SAG: variants seen among roughly 807,000 people sequenced by gnomAD.
SAG encodes S-antigen visual arrestin.
A neutral mutation model predicts 55.0 loss-of-function variants in SAG; 45 were observed. That is an observed-to-expected ratio of 0.82 (90% CI 0.64 to 1.05). SAG has a LOEUF of 1.05. Among genes scored for constraint, SAG ranks in the 50% least tolerant of loss-of-function variants. SAG has a pLI of 0.00. For synonymous variants in SAG, 189 were observed against 197.4 expected (o/e 0.96, Z 0.36); for missense variants, 455 against 512.1 (o/e 0.89, Z 1.08).
intron 2 of SAG, among the ~76,000 whole-genome samples, chr2:233,311,402 A>G (rs1700072052): frequency 6.6e-6 from 1 of 152,150 alleles, no homozygotes; most frequent in Non-Finnish European, 1.5e-5. Context: ...CTCTTCTCTC[A>G]TATCTCATTG....
intron 11 of SAG, among the ~76,000 whole-genome samples, chr2:233,336,167 T>C (rs1031393216): frequency 6.6e-6 from 1 of 152,188 alleles, no homozygotes; most frequent in Non-Finnish European, 1.5e-5. Context: ...AGATGAACAA[T>C]GATGGCTCAC....
rs1700866189 is a variant in SAG at position 233,334,642 on chromosome 2, A to G, written c.807-320A>G. 7 of 247,214 alleles carry G rather than the reference A, an allele frequency of 2.8e-5. No individual in the cohort carries two copies. The South Asian group carries it at 4.8e-4, about 17-fold the overall frequency. The allele number at this position is 247,214 out of a possible 1,614,324, so 15.3% of individuals were successfully genotyped here. On this transcript the variant is annotated intron_variant, in intron 10 of 15. Transcript: ENST00000409110. ...TTCTGCAGGCCACCGTGTGGTTCAC[A>G]AAGTCTCAGGAGGAGGCTGTGGTCT...
At chr2:233,328,656 A>G (rs1252555099) in intron 8 of SAG, 43 bp downstream of exon 8, 2 of 1,569,964 alleles carry the variant, frequency 1.3e-6, no homozygotes, top group African/African-American at 2.7e-5. Context: ...CAGCAGGCCT[A>G]GGGGCAGGCC....
chr2:233,341,087 T>C (rs1701086489), intron 13 of SAG, among the ~76,000 whole-genome samples: 1 of 152,206 alleles, frequency 6.6e-6, no homozygotes, highest in Non-Finnish European at 1.5e-5. Context: ...GTGCTGGGAT[T>C]ATAGATATGA....
rs575275011 is a variant in SAG at position 233,339,676 on chromosome 2, T to C, written c.1023-779T>C. Among the ~76,000 whole-genome samples, 43 of 137,264 alleles carry C rather than the reference T, an allele frequency of 3.1e-4. No individual in the cohort carries two copies. In the South Asian group the frequency reaches 9.2e-3, roughly 29 times the overall value. 90.1% of individuals were successfully genotyped at this position (137,264 alleles called of 152,430 possible). ...TGTGACTTATCTTGAATGTTAGGGC[T>C]TGACTTTTTTTTTTTGAGATGTAAT... On this transcript the variant is annotated intron_variant, in intron 12 of 15. Coordinates refer to ENST00000409110, the MANE Select transcript of SAG (RefSeq NM_000541.5).
rs1233017416 is a variant in SAG, at chr2:233,323,119, C to T, written c.435+114C>T. ...TGTCACCAATGCTGGGGTGCAGTGG[C>T]GTGATCTTGGCTCACTGCAACCTGT... is the stretch of plus-strand genomic sequence containing the variant. On this transcript the variant is annotated intron_variant, in intron 6 of 15. Coordinates refer to ENST00000409110, the MANE Select transcript of SAG (RefSeq NM_000541.5). The T allele has an allele frequency of 3.2e-5, 23 of 719,344 alleles. 1 individual carries two copies. Among genetic ancestry groups the T allele is most frequent in the South Asian group, 1.8e-4 (11 of 60,354 alleles). The allele number at this position is 719,344 out of a possible 1,614,324, so 44.6% of individuals were successfully genotyped here.
chr2:233,336,615 T>C (rs1046932409), intron 11 of SAG, among the ~76,000 whole-genome samples: 2 of 151,788 alleles, frequency 1.3e-5, no homozygotes, highest in Non-Finnish European at 1.5e-5. Flanking sequence ...GGTAAGGAAA[T>C]TGAGGTTGAG....
At chr2:233,331,480 C>A in intron 9 of SAG, 160 bp from the exon 10 acceptor site, 1 of 688,670 alleles carries the variant, frequency 1.5e-6, no homozygotes. Flanking sequence ...GACTTCAAAA[C>A]CCCAGCCTTG....
At chr2:233,312,944 A>G (rs1700117445) in intron 2 of SAG, among the ~76,000 whole-genome samples, 1 of 152,150 alleles carries the variant, frequency 6.6e-6, no homozygotes, top group African/African-American at 2.4e-5. Flanking sequence ...AAGAGCAGGG[A>G]CCTTGGGGAC....
intron 6 of SAG, among the ~76,000 whole-genome samples, chr2:233,326,558 C>T (rs2125334357): frequency 6.6e-6 from 1 of 151,492 alleles, no homozygotes; most frequent in African/African-American, 2.4e-5. Context: ...TGCACTCCAG[C>T]CTGGGCAACA....
At chr2:233,329,773 T>TA (rs934339373) in intron 9 of SAG, among the ~76,000 whole-genome samples, 196 bp downstream of exon 9, 1 of 152,228 alleles carries the variant, frequency 6.6e-6, no homozygotes, top group East Asian at 1.9e-4. Flanking sequence ...CCTGCCCACT[T>TA]ACGGCTGGTT....
chr2:233,326,613 C>G (rs894674348), intron 6 of SAG, among the ~76,000 whole-genome samples: 1 of 151,760 alleles, frequency 6.6e-6, no homozygotes, highest in Non-Finnish European at 1.5e-5. Context: ...AATCGTGCTG[C>G]CCGCACTGGG....
Position 233,320,731 on chromosome 2 carries a change from T to A in SAG, c.283T>A (p.Tyr95Asn). The A allele has an allele frequency of 6.2e-7, 1 of 1,606,024 alleles. No homozygotes were observed. The highest frequency in any genetic ancestry group is 8.5e-7 in the Non-Finnish European group (1 of 1,176,486). ...CCTGTACTTCTCCCGGGTCCAGGTG[T>A]ATCCTCCTGTGGGGGCCGCGAGCAC... ...RDLYFSRVQVYPPVGAASTPT... is the reference protein window; with the variant it reads ...RDLYFSRVQVNPPVGAASTPT... Residue 95 changes from tyrosine (Y) to asparagine (N), a missense_variant, in exon 5 of 16, where the codon TAT becomes AAT. Transcript: ENST00000409110.
intron 12 of SAG, among the ~76,000 whole-genome samples, chr2:233,339,168 C>T (rs1469488005): frequency 6.6e-6 from 1 of 152,186 alleles, no homozygotes; most frequent in Non-Finnish European, 1.5e-5. Context: ...TTTCCCCTCC[C>T]CTCTCACACA....
rs966895401 is a variant in SAG, at chr2:233,309,137, T to C, written c.-28-25T>C. The C allele has an allele frequency of 3.5e-6, 5 of 1,444,202 alleles. No homozygotes were observed. In the African/African-American group the frequency reaches 7.0e-5, roughly 20 times the overall value. The allele number at this position is 1,444,202 out of a possible 1,614,324, so 89.5% of individuals were successfully genotyped here. A position where few individuals can be genotyped will look rare whatever the true frequency, so the allele number is the denominator to read the frequency against. On this transcript the variant is annotated intron_variant, in intron 1 of 15. Coordinates refer to ENST00000409110, the MANE Select transcript of SAG (RefSeq NM_000541.5). ...GGATTGTCTTACCTTTCTCCAACCC[T>C]CTAACACCTGACCAACACCCCAAGG...
At chr2:233,313,055 A>C (rs1158992734) in intron 2 of SAG, among the ~76,000 whole-genome samples, 1 of 152,168 alleles carries the variant, frequency 6.6e-6, no homozygotes, top group Non-Finnish European at 1.5e-5. Flanking sequence ...TGCCTAATTG[A>C]CAGGCGAAGT....
intron 6 of SAG, among the ~76,000 whole-genome samples, chr2:233,324,992 G>A (rs1700503988): frequency 6.6e-6 from 1 of 152,066 alleles, no homozygotes; most frequent in Non-Finnish European, 1.5e-5. Flanking sequence ...TTGGGAGGCC[G>A]AGGCGGGCAG....
At chr2:233,325,203 C>CA (rs3085261) in intron 6 of SAG, among the ~76,000 whole-genome samples, 7,869 of 128,446 alleles carry the variant, frequency 0.061, 746 homozygotes, top group African/African-American at 0.21. Flanking sequence ...GGCTCCATCT[C>CA]AAAAAAAAAA....
intron 9 of SAG, chr2:233,331,421 G>A: frequency 1.7e-6 from 1 of 598,742 alleles, no homozygotes; most frequent in South Asian, 2.0e-5. Flanking sequence ...ACATGGGTGG[G>A]AGTTGATACA....
Sources: allele counts gnomAD v4.1 joint callset (sites outside exome capture counted in the v4.1 genomes callset), GRCh38; gene constraint gnomAD v4.1.1; transcripts MANE v1.5; gene names NCBI Gene and HGNC (gene_info 2026-07-23, HGNC 2026-07-21).